The following RANBP17 variants were observed in gnomAD, a reference collection of about 807,000 sequenced individuals.
RANBP17 encodes the protein ran-binding protein 17.
A neutral mutation model predicts 141.2 loss-of-function variants in RANBP17; 158 were observed. The ratio of observed to expected loss-of-function variants is 1.12; its 90% CI spans 0.98 to 1.28. The LOEUF (loss-of-function observed/expected upper bound fraction) is 1.28, where lower values mean the gene tolerates loss of function less well. Ranked by LOEUF, RANBP17 falls within the 50% of genes most tolerant of loss-of-function variation. The probability of loss-of-function intolerance (pLI) is 0.00; values close to 1 mark genes in which losing one functional copy is unlikely to be tolerated. For missense variants in RANBP17, 1,438 were observed against 1,290.7 expected (o/e 1.11, Z -1.75); for synonymous variants, 430 against 450.0 (o/e 0.96, Z 0.56).
intron 14 of RANBP17, among the ~76,000 whole-genome samples, chr5:171,077,595 A>G (rs1201773787): frequency 1.3e-5 from 2 of 152,188 alleles, no homozygotes; most frequent in Admixed American, 1.3e-4. Flanking sequence ...ACAACAAACT[A>G]ATAACTGTGG....
chr5:170,944,031 A>G (rs953809884), intron 12 of RANBP17, among the ~76,000 whole-genome samples: 1 of 152,146 alleles, frequency 6.6e-6, no homozygotes, highest in Non-Finnish European at 1.5e-5. Flanking sequence ...TACCTCTAGT[A>G]ACCACCATTT....
intron 14 of RANBP17, among the ~76,000 whole-genome samples, chr5:171,005,111 G>T (rs1779498609): frequency 6.6e-6 from 1 of 152,082 alleles, no homozygotes; most frequent in South Asian, 2.1e-4. Context: ...AGCTGACTGG[G>T]TGATAAAATG....
chr5:171,251,652 C>CCGGTGGCGACGAAGG (rs1482846615), intron 24 of RANBP17, among the ~76,000 whole-genome samples: 4 of 152,106 alleles, frequency 2.6e-5, no homozygotes, highest in Non-Finnish European at 4.4e-5. Context: ...GGCTTGAGCG[C>CCGGTGGCGACGAAGG]CGGTGGCGAC....
At chr5:171,049,042 C>A (rs565080220) in intron 14 of RANBP17, among the ~76,000 whole-genome samples, 4 of 152,116 alleles carry the variant, frequency 2.6e-5, no homozygotes, top group African/African-American at 9.6e-5. Context: ...TTAAGTTCTT[C>A]GAGAAATCGC....
intron 12 of RANBP17, among the ~76,000 whole-genome samples, chr5:170,933,753 G>C (rs887177822): frequency 6.6e-6 from 1 of 152,088 alleles, no homozygotes; most frequent in Non-Finnish European, 1.5e-5. Flanking sequence ...CTGAGTTCTA[G>C]TTTGATTGCA....
intron 19 of RANBP17, among the ~76,000 whole-genome samples, chr5:171,204,940 C>T (rs1375793907): frequency 6.6e-5 from 10 of 152,110 alleles, no homozygotes; most frequent in Non-Finnish European, 1.2e-4. Flanking sequence ...GATTCAAATT[C>T]GAGTCTTATG....
intron 1 of RANBP17, among the ~76,000 whole-genome samples, chr5:170,865,294 C>T (rs1767151206): frequency 6.6e-6 from 1 of 152,118 alleles, no homozygotes; most frequent in Admixed American, 6.5e-5. Flanking sequence ...AATTCCTGAC[C>T]TCAGGTGATC....
At chr5:171,239,154 G>T (rs893948600) in intron 22 of RANBP17, among the ~76,000 whole-genome samples, 4 of 152,116 alleles carry the variant, frequency 2.6e-5, no homozygotes, top group Admixed American at 1.3e-4. Context: ...TACAGAATTT[G>T]GTATTGAGTA....
At chr5:171,048,042 G>A (rs1782706871) in intron 14 of RANBP17, among the ~76,000 whole-genome samples, 2 of 152,048 alleles carry the variant, frequency 1.3e-5, no homozygotes, top group South Asian at 2.1e-4. Context: ...TAACTGACTT[G>A]CATCTTTACA....
At chr5:171,260,487 G>GAT (rs904642083) in intron 24 of RANBP17, among the ~76,000 whole-genome samples, 2 of 149,502 alleles carry the variant, frequency 1.3e-5, no homozygotes, top group African/African-American at 4.9e-5. Context: ...AAAAGAGATA[G>GAT]ATAACAGAGA....
At chr5:170,942,603 G>A (rs1280619803) in intron 12 of RANBP17, among the ~76,000 whole-genome samples, 1 of 152,070 alleles carries the variant, frequency 6.6e-6, no homozygotes, top group Non-Finnish European at 1.5e-5. Context: ...AGAATAATAA[G>A]CATTAAATAT....
At chr5:171,163,851 T>C (rs923367194) in intron 14 of RANBP17, among the ~76,000 whole-genome samples, 2 of 152,182 alleles carry the variant, frequency 1.3e-5, no homozygotes, top group East Asian at 1.9e-4. Context: ...AATACTTTGT[T>C]GTTGACTTCT....
chr5:171,165,264 C>G (rs1759612139), intron 14 of RANBP17, among the ~76,000 whole-genome samples: 1 of 152,148 alleles, frequency 6.6e-6, no homozygotes, highest in South Asian at 2.1e-4. Context: ...TCACTGCAAC[C>G]TCCGCCTTCT....
At chr5:171,174,172 T>C (rs1760284537) in intron 16 of RANBP17, among the ~76,000 whole-genome samples, 1 of 152,170 alleles carries the variant, frequency 6.6e-6, no homozygotes. Flanking sequence ...TACATGGGTA[T>C]TTATAATAAA....
intron 14 of RANBP17, among the ~76,000 whole-genome samples, chr5:171,009,651 G>A (rs533272666): frequency 9.0e-4 from 132 of 147,274 alleles, no homozygotes; most frequent in Non-Finnish European, 1.6e-3. Context: ...TGAGGTTAGG[G>A]AAATTATTTT....
intron 14 of RANBP17, among the ~76,000 whole-genome samples, chr5:171,137,572 ATGTGTGTGTGTG>A (rs140713117): frequency 2.1e-5 from 3 of 141,032 alleles, no homozygotes; most frequent in South Asian, 2.4e-4. Context: ...TTGACTTGAG[ATGTGTGTGTGTG>A]TGTGTGTGTG....
chr5:170,927,756 G>A (rs1452075580), intron 12 of RANBP17, among the ~76,000 whole-genome samples: 1 of 151,958 alleles, frequency 6.6e-6, no homozygotes, highest in Non-Finnish European at 1.5e-5. Flanking sequence ...CCTTACCATA[G>A]TTTATCCATT....
At chr5:171,167,848 T>G (rs1047306726) in intron 14 of RANBP17, among the ~76,000 whole-genome samples, 2 of 152,144 alleles carry the variant, frequency 1.3e-5, no homozygotes, top group South Asian at 4.1e-4. Flanking sequence ...CTATAATCAG[T>G]TACTAAATAT....
At chr5:170,907,067 A>G (rs990815635) in intron 5 of RANBP17, among the ~76,000 whole-genome samples, 2 of 151,954 alleles carry the variant, frequency 1.3e-5, no homozygotes, top group Non-Finnish European at 2.9e-5. Flanking sequence ...TAAATATTCT[A>G]GTTATCAGAT....
Sources: gnomAD v4.1 joint callset for allele counts (sites outside exome capture counted in the v4.1 genomes callset) on GRCh38, gnomAD v4.1.1 for gene constraint, MANE v1.5 for transcripts, NCBI Gene and HGNC (gene_info 2026-07-23, HGNC 2026-07-21) for gene names.